MARS1: variants seen among roughly 807,000 people sequenced by gnomAD.
MARS1 encodes the protein methionine--tRNA ligase, cytoplasmic.
A neutral mutation model predicts 119.5 loss-of-function variants in MARS1; 80 were observed. The observed-to-expected ratio is 0.67, with a 90% confidence interval of 0.56 to 0.81. The LOEUF (loss-of-function observed/expected upper bound fraction) is 0.81. Ranked by LOEUF, MARS1 falls within the 30% of genes least tolerant of loss-of-function variation. The pLI is 0.00. For missense variants in MARS1, 945 were observed against 1,116.5 expected (o/e 0.85, Z 2.19); for synonymous variants, 418 against 433.4 (o/e 0.96, Z 0.44).
intron 19 of MARS1, 108 bp downstream of exon 19, chr12:57,516,099 C>T (rs771069201): frequency 2.2e-5 from 31 of 1,388,592 alleles, no homozygotes; most frequent in African/African-American, 7.1e-5. Context: ...TTGGCCCTGC[C>T]GCTTCCTCAC....
rs1877826356 is a variant in MARS1, at chr12:57,516,310, A to G, written c.2529A>G (p.Gln843=). Reference sequence around the variant, plus strand: ...CAACAGCCAAGCCACAGCAGATACAAGCGCTGATGGATGAAGTGACAAAAC... The same window carrying G: ...CAACAGCCAAGCCACAGCAGATACAGGCGCTGATGGATGAAGTGACAAAAC... The part of the protein sequence containing the change: ...TVTTAKPQQI[Q]ALMDEVTKQG... The change falls in exon 20 of 21, where the codon CAA becomes CAG. Residue 843 remains glutamine (Q), a synonymous_variant. Transcript: ENST00000262027. The G allele has an allele frequency of 6.2e-7, 1 of 1,614,198 alleles. No homozygotes were observed. The highest frequency in any genetic ancestry group is 8.5e-7 in the Non-Finnish European group (1 of 1,180,012).
chr12:57,491,490 TCTAA>T lies in MARS1; in HGVS notation c.770+849_770+852del, dbSNP rs1210048408. ...TTCATTCCCTTACCAAGTCGTTGAC[TCTAA>T]CTGTTAAGTAGTCTTTGAATCCACC... is the stretch of plus-strand genomic sequence containing the variant. On this transcript the variant is annotated intron_variant, in intron 7 of 20. Coordinates refer to ENST00000262027, the MANE Select transcript of MARS1 (RefSeq NM_004990.4). Among the ~76,000 whole-genome samples the T allele has an allele frequency of 2.0e-4, 31 of 152,320 alleles. 2 individuals carry two copies. In the East Asian group the frequency reaches 5.2e-3, roughly 26 times the overall value.
At chr12:57,514,926 C>T (rs762970108) in intron 16 of MARS1, 28 bp from the exon 17 acceptor site, 2 of 1,613,996 alleles carry the variant, frequency 1.2e-6, no homozygotes, top group Admixed American at 1.7e-5. Flanking sequence ...TAGGACATTA[C>T]ACCTTGGCCT....
rs144949448 is a variant in MARS1, at chr12:57,510,332, C to T, written c.1369-1366C>T. On this transcript the variant is annotated intron_variant, in intron 11 of 20. Transcript: ENST00000262027. ...ACTAAAAATACAAAAATTAGCCAGG[C>T]GTGGTGGCACCGACCTGTAGTCCCA... 1.3e-3 allele frequency among the ~76,000 whole-genome samples: 191 copies of T among 152,096 alleles called. 4 individuals are homozygous for T. The East Asian group carries it at 0.027, about 22-fold the overall frequency.
intron 11 of MARS1, among the ~76,000 whole-genome samples, chr12:57,510,673 G>A (rs1403963546): frequency 2.0e-5 from 3 of 151,616 alleles, no homozygotes; most frequent in Non-Finnish European, 4.4e-5. Flanking sequence ...GTTCATGCCT[G>A]TAATTCCAGC....
intron 7 of MARS1, among the ~76,000 whole-genome samples, chr12:57,493,717 T>TAA (rs1263507665): frequency 3.7e-4 from 5 of 13,482 alleles, no homozygotes; most frequent in African/African-American, 1.2e-3. Context: ...ATATTATATA[T>TAA]TATATATTAT....
At position 57,498,437 on chromosome 12, in the gene MARS1, AGTGGAACACC is replaced by A. The variant is rs1476239245; in HGVS notation, c.906_915del (p.Gln302HisfsTer23). 1.4e-5 allele frequency: 23 copies of A among 1,613,906 alleles called. No homozygotes were observed. The highest frequency in any genetic ancestry group is 1.8e-5 in the Non-Finnish European group (21 of 1,180,046). On this transcript the variant is annotated frameshift_variant, in exon 9 of 21. Coordinates refer to ENST00000262027, the MANE Select transcript of MARS1 (RefSeq NM_004990.4). LOFTEE classifies it high-confidence loss of function. ...CCTTGCAGGTACTCTCGCCTCCGCC[AGTGGAACACC>A]CTCTATCTGTGTGGGACAGATGAGT...
intron 7 of MARS1, among the ~76,000 whole-genome samples, chr12:57,492,170 T>C (rs1288322327): frequency 6.6e-6 from 1 of 150,810 alleles, no homozygotes; most frequent in Non-Finnish European, 1.5e-5. Flanking sequence ...TCCCAGCTAC[T>C]CGGGAAGGTG....
intron 1 of MARS1, chr12:57,488,463 G>C: frequency 8.8e-7 from 1 of 1,134,550 alleles, no homozygotes; most frequent in Non-Finnish European, 1.3e-6. Flanking sequence ...CCAGTAAACT[G>C]CTCTTCCCTT....
intron 7 of MARS1, among the ~76,000 whole-genome samples, chr12:57,493,764 TATTATATATAATA>T (rs1876335150): frequency 4.1e-3 from 5 of 1,218 alleles, no homozygotes; most frequent in Non-Finnish European, 8.0e-3. Flanking sequence ...ATATTATATA[TATTATATATAATA>T]TATATTATAT....
rs565068373 is a variant in MARS1, at chr12:57,498,762, T to C, written c.1091+139T>C. 3 of 760,488 alleles carry C rather than the reference T, an allele frequency of 3.9e-6. No homozygotes were observed. In the Admixed American group the frequency reaches 6.5e-5, roughly 16 times the overall value. 47.1% of individuals were successfully genotyped at this position (760,488 alleles called of 1,614,324 possible). A position where few individuals can be genotyped will look rare whatever the true frequency, so the allele number is the denominator to read the frequency against. ...GGATCTCAATATCACCCTGGGCAGT[T>C]ATCCAGGCATTTTTGAGGGAAGATG... On this transcript the variant is annotated intron_variant, in intron 9 of 20. Coordinates refer to ENST00000262027, the MANE Select transcript of MARS1 (RefSeq NM_004990.4).
At chr12:57,505,919 G>A (rs1877159598) in intron 11 of MARS1, among the ~76,000 whole-genome samples, 1 of 152,046 alleles carries the variant, frequency 6.6e-6, no homozygotes, top group South Asian at 2.1e-4. Context: ...TTTGAGACCA[G>A]CCTGAGCAAC....
chr12:57,495,228 T>C (rs140920138), intron 7 of MARS1, among the ~76,000 whole-genome samples: 4,528 of 145,570 alleles, frequency 0.031, 107 homozygotes, highest in South Asian at 0.079. Flanking sequence ...GCCCCCCACC[T>C]TCCTCCCGGA....
chr12:57,493,373 T>C (rs1876115526), intron 7 of MARS1, among the ~76,000 whole-genome samples: 1 of 70,424 alleles, frequency 1.4e-5, no homozygotes, highest in African/African-American at 6.6e-5. Context: ...ATGTATAATA[T>C]ATATTATATA....
In MARS1 at chr12:57,500,314, T is replaced by G. The variant is rs1327872333; in HGVS notation, c.1092-7T>G. On this transcript the variant is annotated splice_region_variant and splice_polypyrimidine_tract_variant and intron_variant, in intron 9 of 20. Coordinates refer to ENST00000262027, the MANE Select transcript of MARS1 (RefSeq NM_004990.4). ...GTCTCTTCCTGATCCCTGGCCCACCTCACCAGAATCACCCAGGACATTTTC... is the reference window on the plus strand; with the variant it reads ...GTCTCTTCCTGATCCCTGGCCCACCGCACCAGAATCACCCAGGACATTTTC... 2 of 1,613,810 alleles carry G rather than the reference T, an allele frequency of 1.2e-6. No homozygotes were observed. The highest frequency in any genetic ancestry group is 2.2e-5 in the East Asian group (1 of 44,876).
intron 18 of MARS1, 69 bp from the exon 19 acceptor site, chr12:57,515,851 G>A (rs1263650252): frequency 8.5e-7 from 1 of 1,171,136 alleles, no homozygotes; most frequent in African/African-American, 1.5e-5. Flanking sequence ...GGTTGGAGAG[G>A]TCATCTGTAT....
Position 57,504,176 on chromosome 12 carries a change from C to T in MARS1, c.1294-49C>T, listed in dbSNP as rs188212968. ...TCTGCTCCTCCCCTTGCCTGGACCCCTCCCCTGGCCTGCAGGCCTGATCTG... is the reference window on the plus strand; with the variant it reads ...TCTGCTCCTCCCCTTGCCTGGACCCTTCCCCTGGCCTGCAGGCCTGATCTG... On this transcript the variant is annotated intron_variant, in intron 10 of 20. Transcript: ENST00000262027. The T allele has an allele frequency of 6.7e-4, 914 of 1,373,474 alleles. 2 individuals are homozygous for T. In the African/African-American group the frequency reaches 0.012, roughly 18 times the overall value. 85.1% of individuals were successfully genotyped at this position (1,373,474 alleles called of 1,614,324 possible). A position where few individuals can be genotyped will look rare whatever the true frequency, so the allele number is the denominator to read the frequency against.
chr12:57,492,534 G>A (rs1448102671), intron 7 of MARS1, among the ~76,000 whole-genome samples: 1 of 151,110 alleles, frequency 6.6e-6, no homozygotes, highest in South Asian at 2.1e-4. Context: ...AGCTGGGCAC[G>A]GTGGCTCGTG....
intron 7 of MARS1, among the ~76,000 whole-genome samples, chr12:57,492,669 T>TCA (rs58931225): frequency 0.057 from 7,890 of 139,364 alleles, 198 homozygotes; most frequent in East Asian, 0.077. Context: ...CGACTCCATT[T>TCA]CACACACACA....
Sources: gnomAD v4.1 joint callset for allele counts (sites outside exome capture counted in the v4.1 genomes callset) on GRCh38, gnomAD v4.1.1 for gene constraint, MANE v1.5 for transcripts, NCBI Gene and HGNC (gene_info 2026-07-23, HGNC 2026-07-21) for gene names.